LRRIQ3: variants seen among roughly 807,000 people sequenced by gnomAD.
The protein encoded by LRRIQ3 is leucine-rich repeat and IQ domain-containing protein 3.
A neutral mutation model predicts 59.3 loss-of-function variants in LRRIQ3; 75 were observed. The observed-to-expected ratio is 1.26, with a 90% CI of 1.05 to 1.53. The LOEUF (loss-of-function observed/expected upper bound fraction) is 1.53. Ranked by LOEUF, LRRIQ3 falls within the 40% of genes most tolerant of loss-of-function variation. LRRIQ3 has a pLI of 0.00. For missense variants in LRRIQ3, 831 were observed against 710.0 expected (o/e 1.17, Z -1.94); for synonymous variants, 250 against 231.3 (o/e 1.08, Z -0.73).
In LRRIQ3 at chr1:74,049,273, A is replaced by G. The variant is rs1570027018; in HGVS notation, c.998-7340T>C. On this transcript the variant is annotated intron_variant, in intron 6 of 7. Transcript: ENST00000354431. Reference sequence around the variant, plus strand: ...TATGCGGCATGGTAGGTCACAGAATAAAAGTTTTGGATTTCATTCTGAGAT... The same window carrying G: ...TATGCGGCATGGTAGGTCACAGAATGAAAGTTTTGGATTTCATTCTGAGAT... Among the ~76,000 whole-genome samples, 3 of 152,280 alleles carry G rather than the reference A, an allele frequency of 2.0e-5. No homozygotes were observed. The South Asian group carries it at 6.2e-4, about 32-fold the overall frequency.
intron 4 of LRRIQ3, among the ~76,000 whole-genome samples, chr1:74,131,796 A>G (rs1355319699): frequency 6.6e-6 from 1 of 152,098 alleles, no homozygotes; most frequent in African/African-American, 2.4e-5. Context: ...AACTGGAAGC[A>G]TTCCCTTTGA....
intron 7 of LRRIQ3, among the ~76,000 whole-genome samples, chr1:74,037,879 A>T (rs954786454): frequency 7.9e-5 from 12 of 152,140 alleles, no homozygotes; most frequent in Non-Finnish European, 1.5e-4. Flanking sequence ...CCCACTCATG[A>T]ACCCATGCCA....
At chr1:74,123,339 A>G (rs1390186182) in intron 4 of LRRIQ3, among the ~76,000 whole-genome samples, 1 of 151,992 alleles carries the variant, frequency 6.6e-6, no homozygotes, top group East Asian at 1.9e-4. Flanking sequence ...TTTATAATGT[A>G]CAATTAATTA....
chr1:74,125,246 A>AT (rs974921112), intron 4 of LRRIQ3, among the ~76,000 whole-genome samples: 1 of 151,622 alleles, frequency 6.6e-6, no homozygotes, highest in Admixed American at 6.6e-5. Flanking sequence ...TCTGTTCTCA[A>AT]TTTTTTTGGT....
At chr1:74,183,081 C>T (rs1650099964) in intron 2 of LRRIQ3, 1 of 348,670 alleles carries the variant, frequency 2.9e-6, no homozygotes, top group East Asian at 4.7e-5. Context: ...TAGTAAAATG[C>T]ATAACCATAC....
At chr1:74,030,289 G>A (rs1485249233) in intron 7 of LRRIQ3, among the ~76,000 whole-genome samples, 1 of 152,096 alleles carries the variant, frequency 6.6e-6, no homozygotes, top group African/African-American at 2.4e-5. Flanking sequence ...CCAAAAAAGA[G>A]CCCGCAATGC....
intron 1 of LRRIQ3, among the ~76,000 whole-genome samples, chr1:74,195,982 C>CAT (rs1452319598): frequency 6.6e-6 from 1 of 151,548 alleles, no homozygotes; most frequent in Admixed American, 6.6e-5. Flanking sequence ...TACTCCTACT[C>CAT]ATATATATAG....
At chr1:74,055,831 T>G in intron 6 of LRRIQ3, among the ~76,000 whole-genome samples, 1 of 152,228 alleles carries the variant, frequency 6.6e-6, no homozygotes, top group East Asian at 1.9e-4. Flanking sequence ...CTCATGAAAT[T>G]AAACACCCTT....
chr1:74,044,122 G>A (rs1007888372), intron 6 of LRRIQ3, among the ~76,000 whole-genome samples: 2 of 151,972 alleles, frequency 1.3e-5, no homozygotes, highest in Non-Finnish European at 2.9e-5. Flanking sequence ...CTATAGGATC[G>A]AACTTGATAT....
rs1212533859 is a variant in LRRIQ3 at position 74,061,419 on chromosome 1, AT to A, written c.997+13241del. Among the ~76,000 whole-genome samples, 5 of 152,296 alleles carry A rather than the reference AT, an allele frequency of 3.3e-5. No individual in the cohort carries two copies. The East Asian group carries it at 9.7e-4, about 29-fold the overall frequency. On this transcript the variant is annotated intron_variant, in intron 6 of 7. Transcript: ENST00000354431. Reference sequence around the variant, plus strand: ...TTATTCCTATCAAATTATCAATGACATTCTTCATTGAATTAGAATATTTTAA... The same window carrying A: ...TTATTCCTATCAAATTATCAATGACATCTTCATTGAATTAGAATATTTTAA...
chr1:74,039,938 A>G lies in LRRIQ3; in HGVS notation c.1718+1275T>C, dbSNP rs1412877891. ...CAGGATCAAATTCACACATAAAAAT[A>G]TTAACCTAAAGTGTAAATGGGCTAA... is the stretch of plus-strand genomic sequence containing the variant. On this transcript the variant is annotated intron_variant, in intron 7 of 7. Transcript: ENST00000354431. 2.0e-5 allele frequency among the ~76,000 whole-genome samples: 3 copies of G among 152,232 alleles called. No homozygotes were observed. The East Asian group carries it at 5.8e-4, about 29-fold the overall frequency.
intron 3 of LRRIQ3, among the ~76,000 whole-genome samples, chr1:74,172,552 T>C (rs908213420): frequency 3.9e-5 from 6 of 152,180 alleles, no homozygotes; most frequent in Non-Finnish European, 8.8e-5. Context: ...ATGTATATTA[T>C]ATTACTGCTG....
At chr1:74,105,176 T>G (rs1410265742) in intron 5 of LRRIQ3, among the ~76,000 whole-genome samples, 1 of 151,960 alleles carries the variant, frequency 6.6e-6, no homozygotes, top group Admixed American at 6.6e-5. Flanking sequence ...AAAATTGTAT[T>G]AACTATGAAC....
intron 5 of LRRIQ3, among the ~76,000 whole-genome samples, chr1:74,076,432 T>G (rs1224438706): frequency 6.6e-6 from 1 of 152,098 alleles, no homozygotes; most frequent in Non-Finnish European, 1.5e-5. Flanking sequence ...AAACAATATT[T>G]TTTTCCTCCA....
chr1:74,178,845 T>C (rs1649799833), intron 3 of LRRIQ3, among the ~76,000 whole-genome samples: 1 of 152,148 alleles, frequency 6.6e-6, no homozygotes, highest in South Asian at 2.1e-4. Context: ...CACTGGCATG[T>C]GATTTTTGTT....
Position 74,182,729 on chromosome 1 carries a change from T to A in LRRIQ3, c.382A>T (p.Thr128Ser). Residue 128 changes from threonine to serine, a missense_variant, in exon 3 of 8, where the codon ACT becomes TCT. Physicochemically the swap from Thr to Ser is moderately conservative, Grantham distance 58 (BLOSUM62 1). Coordinates refer to ENST00000354431, the MANE Select transcript of LRRIQ3 (RefSeq NM_001105659.2). ...AGGCTTACTGGACAATCAAACATAG[T>A]GAGGGCAATGAGGGTTGGACAGGCA... is the stretch of plus-strand genomic sequence containing the variant. ...LSACPTLIAL[T>S]MFDCPVSLKK... 2 of 1,612,600 alleles carry A rather than the reference T, an allele frequency of 1.2e-6. No individual in the cohort carries two copies. Among genetic ancestry groups the A allele is most frequent in the Non-Finnish European group, 1.7e-6 (2 of 1,178,950 alleles).
At chr1:74,107,233 T>C (rs1417418898) in intron 5 of LRRIQ3, among the ~76,000 whole-genome samples, 2 of 152,040 alleles carry the variant, frequency 1.3e-5, no homozygotes, top group Non-Finnish European at 2.9e-5. Flanking sequence ...AGATACTGAT[T>C]ACTTCATCTA....
At chr1:74,187,514 A>T (rs1650480533) in intron 1 of LRRIQ3, among the ~76,000 whole-genome samples, 1 of 152,070 alleles carries the variant, frequency 6.6e-6, no homozygotes, top group Non-Finnish European at 1.5e-5. Flanking sequence ...AAGTTCTCAC[A>T]TATAAGTGTG....
At chr1:74,101,883 G>T (rs1453906521) in intron 5 of LRRIQ3, among the ~76,000 whole-genome samples, 1 of 151,990 alleles carries the variant, frequency 6.6e-6, no homozygotes, top group Non-Finnish European at 1.5e-5. Flanking sequence ...CACAGGAAGG[G>T]GAACATCACA....
Sources: allele counts gnomAD v4.1 joint callset (sites outside exome capture counted in the v4.1 genomes callset), GRCh38; gene constraint gnomAD v4.1.1; transcripts MANE v1.5; gene names NCBI Gene and HGNC (gene_info 2026-07-23, HGNC 2026-07-21).